ZNF462: variants seen among roughly 807,000 people sequenced by gnomAD.
ZNF462 encodes zinc finger PBX1-interacting protein.
A neutral mutation model predicts 201.9 loss-of-function variants in ZNF462; 10 were observed. The ratio of observed to expected loss-of-function variants is 0.05; its 90% CI spans 0.03 to 0.08. The LOEUF (loss-of-function observed/expected upper bound fraction) is 0.08, where lower values mean the gene tolerates loss of function less well. ZNF462 is among the 10% of genes least tolerant of loss of function. ZNF462 has a pLI of 1.00. For synonymous variants in ZNF462, 1,227 were observed against 1,193.3 expected, an observed-to-expected ratio of 1.03 and a Z score of -0.58; for missense variants, 2,523 against 3,168.3, an observed-to-expected ratio of 0.80 and a Z score of 4.89.
chr9:106,861,175 G>C (rs1360803494), upstream of ZNF462, among the ~76,000 whole-genome samples: 1 of 152,108 alleles, frequency 6.6e-6, no homozygotes, highest in Non-Finnish European at 1.5e-5. Flanking sequence ...AGGGCAGGAA[G>C]TGTTGACTGG....
rs1048233542 is a variant in ZNF462, at chr9:106,905,325, G to T, written c.-30-18029G>T. Among the ~76,000 whole-genome samples the T allele has an allele frequency of 6.6e-6, 1 of 152,162 alleles. No homozygotes were observed. Among genetic ancestry groups the T allele is most frequent in the Non-Finnish European group, 1.5e-5 (1 of 68,030 alleles). ...TACCAGCACCTGTTCTGGTGGAGGT[G>T]GCAGAGTGTGCAATGGACTCTCTGA... On this transcript the variant is annotated intron_variant, in intron 1 of 12. Transcript: ENST00000277225. The surrounding 1 kb of genome is among the most constrained non-coding windows in gnomAD (Gnocchi z 5.9).
At chr9:106,921,593 C>G (rs1004685673) in intron 1 of ZNF462, among the ~76,000 whole-genome samples, 1 of 152,178 alleles carries the variant, frequency 6.6e-6, no homozygotes, top group African/African-American at 2.4e-5. Context: ...TAAACACATT[C>G]AGCAGAGCTG....
intron 6 of ZNF462, among the ~76,000 whole-genome samples, chr9:106,936,405 C>T (rs1830633125): frequency 1.3e-5 from 2 of 152,194 alleles, no homozygotes; most frequent in Non-Finnish European, 2.9e-5. Flanking sequence ...CTGCTCAGAA[C>T]CTGGGTCCTT....
At position 106,924,063 on chromosome 9, in the gene ZNF462, G is replaced by A. The variant is rs1474206354; in HGVS notation, c.221-70G>A. The A allele has an allele frequency of 7.0e-6, 9 of 1,288,002 alleles. No homozygotes were observed. Among genetic ancestry groups the A allele is most frequent in the Non-Finnish European group, 9.7e-6 (9 of 931,568 alleles). 79.8% of individuals were successfully genotyped at this position (1,288,002 alleles called of 1,614,324 possible). A position where few individuals can be genotyped will look rare whatever the true frequency, so the allele number is the denominator to read the frequency against. On this transcript the variant is annotated intron_variant, in intron 2 of 12. Coordinates refer to ENST00000277225, the MANE Select transcript of ZNF462 (RefSeq NM_021224.6). The surrounding 1 kb of genome is among the most constrained non-coding windows in gnomAD (Gnocchi z 6.2). ...TTAGTAATGAAGAATAATTGGAATG[G>A]TACTGATTTGCATGATTGGATATTT...
chr9:106,988,049 G>A (rs1827987691), intron 10 of ZNF462, among the ~76,000 whole-genome samples: 2 of 152,086 alleles, frequency 1.3e-5, no homozygotes, highest in South Asian at 4.1e-4. Context: ...GTACTATGCT[G>A]TTTTGGTGAG....
Position 106,890,402 on chromosome 9 carries a change from T to C in ZNF462, c.-31+27047T>C, listed in dbSNP as rs1279063434. 6.6e-6 allele frequency among the ~76,000 whole-genome samples: 1 copy of C among 152,198 alleles called. No homozygotes were observed. Among genetic ancestry groups the C allele is most frequent in the Non-Finnish European group, 1.5e-5 (1 of 68,030 alleles). On this transcript the variant is annotated intron_variant, in intron 1 of 12. Transcript: ENST00000277225. The surrounding 1 kb of genome is among the most constrained non-coding windows in gnomAD (Gnocchi z 4.2). ...ATTAAACATTGTCGGGAGAATTCCTTCATTTCCTTCTGGAGTCCTTTTTGG... is the reference window on the plus strand; with the variant it reads ...ATTAAACATTGTCGGGAGAATTCCTCCATTTCCTTCTGGAGTCCTTTTTGG...
rs1396375948 is a variant in ZNF462 at position 106,917,907 on chromosome 9, C to G, written c.-30-5447C>G. On this transcript the variant is annotated intron_variant, in intron 1 of 12. Coordinates refer to ENST00000277225, the MANE Select transcript of ZNF462 (RefSeq NM_021224.6). This position sits in a 1 kb window ranked among gnomAD's most constrained non-coding sequence, Gnocchi z 4.5. ...ATTTATTTATTTTGTGACAGAGTCT[C>G]ACTCTGCCACCCAGGCTGGAGTGCA... is the stretch of plus-strand genomic sequence containing the variant. 6.6e-6 allele frequency among the ~76,000 whole-genome samples: 1 copy of G among 151,018 alleles called. No homozygotes were observed. Among genetic ancestry groups the G allele is most frequent in the African/African-American group, 2.4e-5 (1 of 41,016 alleles).
rs1215940837 is a variant in ZNF462, at chr9:107,005,519, A to G, written c.7189+2093A>G. Among the ~76,000 whole-genome samples, 2 of 152,152 alleles carry G rather than the reference A, an allele frequency of 1.3e-5. No homozygotes were observed. Among genetic ancestry groups the G allele is most frequent in the East Asian group, 1.9e-4 (1 of 5,188 alleles). The stretch of plus-strand genomic sequence containing the variant: ...CCATTTGTATGTCTTCTTTTGAGAA[A>G]TGTCTACTCAGATAGATGATTTTCT... On this transcript the variant is annotated intron_variant, in intron 11 of 12. Transcript: ENST00000277225. This position sits in a 1 kb window ranked among gnomAD's most constrained non-coding sequence, Gnocchi z 4.4.
intron 1 of ZNF462, among the ~76,000 whole-genome samples, chr9:106,875,395 C>G (rs1160794034): frequency 6.6e-6 from 1 of 152,172 alleles, no homozygotes; most frequent in Non-Finnish European, 1.5e-5. Context: ...TACCTCAGCA[C>G]ATGAAACCTG....
rs1336652313 is a variant in ZNF462 at position 106,885,143 on chromosome 9, A to T, written c.-31+21788A>T. The stretch of plus-strand genomic sequence containing the variant: ...GGCAGGTCAGACACTTCAGCTTCCC[A>T]AGAAAATGCAAGGAATTTATTTATT... On this transcript the variant is annotated intron_variant, in intron 1 of 12. Transcript: ENST00000277225. This position sits in a 1 kb window ranked among gnomAD's most constrained non-coding sequence, Gnocchi z 4.1. Among the ~76,000 whole-genome samples the T allele has an allele frequency of 3.3e-5, 5 of 152,226 alleles. No individual in the cohort carries two copies. Among genetic ancestry groups the T allele is most frequent in the African/African-American group, 1.2e-4 (5 of 41,466 alleles).
intron 7 of ZNF462, among the ~76,000 whole-genome samples, chr9:106,965,262 C>G (rs1271877878): frequency 6.6e-6 from 1 of 152,014 alleles, no homozygotes; most frequent in Non-Finnish European, 1.5e-5. Flanking sequence ...AAATTGGAAG[C>G]TAGCTGGAAG....
chr9:106,906,760 G>A (rs1829291669), intron 1 of ZNF462, among the ~76,000 whole-genome samples: 1 of 152,112 alleles, frequency 6.6e-6, no homozygotes, highest in African/African-American at 2.4e-5. Flanking sequence ...GAAATTTGTT[G>A]AAAATTTTTC....
At position 106,938,097 on chromosome 9, in the gene ZNF462, A is replaced by G. The variant is rs550134297; in HGVS notation, c.6236-819A>G. On this transcript the variant is annotated intron_variant, in intron 6 of 12. Coordinates refer to ENST00000277225, the MANE Select transcript of ZNF462 (RefSeq NM_021224.6). The surrounding 1 kb of genome is among the most constrained non-coding windows in gnomAD (Gnocchi z 4.4). ...ATGTAATTAATTTAACAGGTAATAT[A>G]TGGCGAAGGTAAATCACACTTTAAC... Among the ~76,000 whole-genome samples, 2 of 152,358 alleles carry G rather than the reference A, an allele frequency of 1.3e-5. No individual in the cohort carries two copies. Among genetic ancestry groups the G allele is most frequent in the East Asian group, 1.9e-4 (1 of 5,194 alleles).
intron 1 of ZNF462, among the ~76,000 whole-genome samples, chr9:106,901,874 G>A (rs1344404264): frequency 6.6e-6 from 1 of 152,068 alleles, no homozygotes; most frequent in South Asian, 2.1e-4. Flanking sequence ...AACAGTGACA[G>A]TTTGGCTTCC....
chr9:106,973,114 A>T (rs1826719060), intron 8 of ZNF462, among the ~76,000 whole-genome samples: 1 of 152,216 alleles, frequency 6.6e-6, no homozygotes, highest in Non-Finnish European at 1.5e-5. Context: ...TACTTAGAAT[A>T]GTGCCTGGCA....
At chr9:106,958,886 A>G (rs2131868997) in intron 7 of ZNF462, among the ~76,000 whole-genome samples, 1 of 152,222 alleles carries the variant, frequency 6.6e-6, no homozygotes, top group Middle Eastern at 3.4e-3. Flanking sequence ...GATGACAGGA[A>G]TGATTGAGGC....
intron 10 of ZNF462, among the ~76,000 whole-genome samples, chr9:107,001,951 C>CT (rs1829219105): frequency 6.6e-6 from 1 of 152,094 alleles, no homozygotes; most frequent in Non-Finnish European, 1.5e-5. Flanking sequence ...TGAATGCTAC[C>CT]TATCTCTTAC....
chr9:107,001,413 G>A (rs1367715018), intron 10 of ZNF462, among the ~76,000 whole-genome samples: 2 of 152,146 alleles, frequency 1.3e-5, no homozygotes, highest in Non-Finnish European at 2.9e-5. Flanking sequence ...CATTTTGGGG[G>A]ACTGTTGTGT....
chr9:106,915,013 G>A (rs1248345259), intron 1 of ZNF462, among the ~76,000 whole-genome samples: 1 of 152,040 alleles, frequency 6.6e-6, no homozygotes, highest in East Asian at 1.9e-4. Flanking sequence ...TGTAAAACAG[G>A]TCCTTTGTAC....
Sources: allele counts gnomAD v4.1 joint callset (sites outside exome capture counted in the v4.1 genomes callset), GRCh38; gene constraint gnomAD v4.1.1; non-coding constraint Gnocchi (gnomAD v3.1); transcripts MANE v1.5; gene names NCBI Gene and HGNC (gene_info 2026-07-23, HGNC 2026-07-21).